Variants in PTPRG observed in about 807,000 individuals in gnomAD.
The protein encoded by PTPRG is protein tyrosine phosphatase receptor type G, also known as receptor-type tyrosine-protein phosphatase gamma.
In PTPRG, 102 loss-of-function variants were observed where a neutral mutation model predicts 165.3. The ratio of observed to expected loss-of-function variants is 0.62; its 90% CI spans 0.53 to 0.73. The LOEUF (loss-of-function observed/expected upper bound fraction) is 0.73, where lower values mean the gene tolerates loss of function less well. Among genes scored for constraint, PTPRG ranks in the 30% least tolerant of loss-of-function variants. The pLI, the probability that PTPRG is intolerant of heterozygous loss-of-function variation, is 0.00. For missense variants in PTPRG, 1,866 were observed against 1,861.4 expected, an observed-to-expected ratio of 1.00 and a Z score of -0.05; for synonymous variants, 675 against 669.5, an observed-to-expected ratio of 1.01 and a Z score of -0.13.
At chr3:61,619,996 A>C (rs1448285692) in intron 1 of PTPRG, among the ~76,000 whole-genome samples, 1 of 152,228 alleles carries the variant, frequency 6.6e-6, no homozygotes, top group Non-Finnish European at 1.5e-5. Flanking sequence ...GCTCTGCCTA[A>C]TGAAGATTGG....
intron 1 of PTPRG, among the ~76,000 whole-genome samples, chr3:61,647,390 G>T (rs1400067212): frequency 6.6e-6 from 1 of 152,162 alleles, no homozygotes; most frequent in Non-Finnish European, 1.5e-5. Flanking sequence ...CTCCCCAAAG[G>T]AGGGTCAATA....
At position 62,275,973 on chromosome 3, in the gene PTPRG, CTT is replaced by C; in HGVS notation, c.3559+9_3559+10del. 6.3e-7 allele frequency: 1 copy of C among 1,587,196 alleles called. No individual in the cohort carries two copies. Among genetic ancestry groups the C allele is most frequent in the Non-Finnish European group, 8.6e-7 (1 of 1,157,980 alleles). On this transcript the variant is annotated splice_region_variant and intron_variant, in intron 24 of 29. Coordinates refer to ENST00000474889, the MANE Select transcript of PTPRG (RefSeq NM_002841.4). ...AACTCTTCAGTTGTGCCATGTAAGA[CTT>C]TAAAACAGTTTGTTAGTGATCTTTT...
At chr3:61,768,594 T>C (rs2034108829) in intron 2 of PTPRG, among the ~76,000 whole-genome samples, 1 of 152,212 alleles carries the variant, frequency 6.6e-6, no homozygotes, top group African/African-American at 2.4e-5. Context: ...AGGAGGGTTC[T>C]GTGACCATGG....
In PTPRG at chr3:62,200,137, G is replaced by A. The variant is rs975856151; in HGVS notation, c.1328-1368G>A. On this transcript the variant is annotated intron_variant, in intron 10 of 29. Coordinates refer to ENST00000474889, the MANE Select transcript of PTPRG (RefSeq NM_002841.4). The stretch of plus-strand genomic sequence containing the variant: ...TCAATGCGTGTAGAGTTTCTGTTTT[G>A]CAAGATGACAAAGTTCTGGAGACGG... 2.6e-5 allele frequency among the ~76,000 whole-genome samples: 4 copies of A among 152,198 alleles called. No individual in the cohort carries two copies. The East Asian group carries it at 7.7e-4, about 29-fold the overall frequency.
chr3:61,943,172 T>C (rs1336109639), intron 2 of PTPRG, among the ~76,000 whole-genome samples: 4 of 152,232 alleles, frequency 2.6e-5, no homozygotes, highest in African/African-American at 7.2e-5. Flanking sequence ...TACAGATTCT[T>C]GTAGTAGGAA....
In PTPRG at chr3:62,218,848, C is replaced by A; in HGVS notation, c.2156-3C>A. 1 of 1,611,404 alleles carries A rather than the reference C, an allele frequency of 6.2e-7. No homozygotes were observed. Among genetic ancestry groups the A allele is most frequent in the Non-Finnish European group, 8.5e-7 (1 of 1,178,844 alleles). Reference sequence around the variant, plus strand: ...CTCTAACTGGGATGATTTCTCTTGGCAGCGGAAAAAAACACCTCTGGAATG... The same window carrying A: ...CTCTAACTGGGATGATTTCTCTTGGAAGCGGAAAAAAACACCTCTGGAATG... On this transcript the variant is annotated splice_region_variant and splice_polypyrimidine_tract_variant and intron_variant, in intron 12 of 29. Transcript: ENST00000474889.
chr3:62,185,242 G>C (rs1369877169), intron 8 of PTPRG, among the ~76,000 whole-genome samples: 4 of 152,148 alleles, frequency 2.6e-5, no homozygotes, highest in African/African-American at 9.7e-5. Flanking sequence ...GACCCCAGTG[G>C]GAACATAATC....
intron 1 of PTPRG, among the ~76,000 whole-genome samples, chr3:61,595,213 A>T (rs2106832212): frequency 6.6e-6 from 1 of 151,924 alleles, no homozygotes. Flanking sequence ...TGTACTCTGA[A>T]TGTGGGAACT....
intron 6 of PTPRG, among the ~76,000 whole-genome samples, chr3:62,147,882 G>A (rs1224777396): frequency 6.6e-6 from 1 of 152,186 alleles, no homozygotes; most frequent in East Asian, 1.9e-4. Context: ...CAAGCTGGGC[G>A]TGGTGGCTCA....
chr3:61,777,517 A>G (rs923168486), intron 2 of PTPRG, among the ~76,000 whole-genome samples: 2 of 152,196 alleles, frequency 1.3e-5, no homozygotes, highest in Non-Finnish European at 2.9e-5. Context: ...GACTGAGACA[A>G]CTGTCACGGT....
At chr3:62,136,972 CTG>C (rs1348110678) in intron 6 of PTPRG, among the ~76,000 whole-genome samples, 7 of 152,256 alleles carry the variant, frequency 4.6e-5, no homozygotes, top group Admixed American at 6.5e-5. Flanking sequence ...ACATAAAGTG[CTG>C]TGTCTTACAT....
chr3:61,637,375 GTAGAAGGACT>G (rs1701941340), intron 1 of PTPRG, among the ~76,000 whole-genome samples: 1 of 152,174 alleles, frequency 6.6e-6, no homozygotes, highest in Non-Finnish European at 1.5e-5. Context: ...AATGCGGATA[GTAGAAGGACT>G]TAACCTCATA....
intron 2 of PTPRG, among the ~76,000 whole-genome samples, chr3:61,857,459 G>C (rs567212246): frequency 3.9e-5 from 6 of 152,294 alleles, no homozygotes; most frequent in African/African-American, 1.4e-4. Flanking sequence ...ATGGGTCAGG[G>C]AGTAGACTAG....
chr3:61,641,919 G>T (rs1702076165), intron 1 of PTPRG, among the ~76,000 whole-genome samples: 1 of 152,130 alleles, frequency 6.6e-6, no homozygotes, highest in Admixed American at 6.5e-5. Context: ...GTGGGCTGGT[G>T]CACATTTAGC....
At chr3:62,020,667 G>A (rs555810560) in intron 4 of PTPRG, among the ~76,000 whole-genome samples, 6 of 152,210 alleles carry the variant, frequency 3.9e-5, no homozygotes, top group African/African-American at 1.4e-4. Flanking sequence ...ACCCAGGCCA[G>A]CAGCAAGTAC....
chr3:62,114,346 C>G (rs1240702481), intron 5 of PTPRG, among the ~76,000 whole-genome samples: 1 of 152,000 alleles, frequency 6.6e-6, no homozygotes, highest in Non-Finnish European at 1.5e-5. Flanking sequence ...CCTAGGTTAA[C>G]AAGTATACTC....
chr3:62,147,760 A>G (rs2106666047), intron 6 of PTPRG, among the ~76,000 whole-genome samples: 1 of 152,288 alleles, frequency 6.6e-6, no homozygotes, highest in East Asian at 1.9e-4. Context: ...TAGCTGCTGG[A>G]TATATGTACA....
chr3:61,878,359 G>GT (rs1033465372), intron 2 of PTPRG, among the ~76,000 whole-genome samples: 4 of 152,240 alleles, frequency 2.6e-5, no homozygotes, highest in Non-Finnish European at 5.9e-5. Flanking sequence ...TTTGGGTTCT[G>GT]TTTGATTATT....
At chr3:61,833,831 C>G (rs937044652) in intron 2 of PTPRG, among the ~76,000 whole-genome samples, 3 of 152,122 alleles carry the variant, frequency 2.0e-5, no homozygotes, top group African/African-American at 7.2e-5. Context: ...TCCCAAAGCG[C>G]TAGGATTACA....
Sources: gnomAD v4.1 joint callset for allele counts (sites outside exome capture counted in the v4.1 genomes callset) on GRCh38, gnomAD v4.1.1 for gene constraint, MANE v1.5 for transcripts, NCBI Gene and HGNC (gene_info 2026-07-23, HGNC 2026-07-21) for gene names.